TMEM117: variants seen among roughly 807,000 people sequenced by gnomAD.
TMEM117 encodes transmembrane protein 117.
TMEM117 carries 27 observed loss-of-function variants against 52.4 expected under a neutral mutation model. The ratio of observed to expected loss-of-function variants is 0.51; its 90% CI spans 0.38 to 0.71. The LOEUF (loss-of-function observed/expected upper bound fraction) is 0.71. TMEM117 is among the 30% of genes least tolerant of loss of function. The probability of loss-of-function intolerance (pLI) is 0.00; values close to 1 mark genes in which losing one functional copy is unlikely to be tolerated. For synonymous variants in TMEM117, 215 were observed against 206.3 expected, an observed-to-expected ratio of 1.04 and a Z score of -0.36; for missense variants, 556 against 630.5, an observed-to-expected ratio of 0.88 and a Z score of 1.26.
At chr12:44,065,826 A>G (rs1947213735) in intron 3 of TMEM117, among the ~76,000 whole-genome samples, 1 of 152,230 alleles carries the variant, frequency 6.6e-6, no homozygotes, top group South Asian at 2.1e-4. Flanking sequence ...GCTACATTAA[A>G]GTTACCCTTA....
the TMEM117 span, chr12:43,802,389 A>C: frequency 1.4e-5 from 23 of 1,606,468 alleles, no homozygotes; most frequent in Non-Finnish European, 1.9e-5. Context: ...GTCCTCCAAC[A>C]GGGGTAAAAC....
At chr12:44,059,378 C>G (rs1227313689) in intron 3 of TMEM117, among the ~76,000 whole-genome samples, 1 of 152,032 alleles carries the variant, frequency 6.6e-6, no homozygotes, top group Non-Finnish European at 1.5e-5. Context: ...TTATATATCA[C>G]TTTTTTCCCC....
intron 5 of TMEM117, among the ~76,000 whole-genome samples, chr12:44,247,813 A>T (rs1565633647): frequency 6.6e-6 from 1 of 152,228 alleles, no homozygotes; most frequent in Non-Finnish European, 1.5e-5. Flanking sequence ...TGAAGAGGTT[A>T]GTCCTGGGGA....
At chr12:44,169,799 T>C (rs1949019361) in intron 4 of TMEM117, among the ~76,000 whole-genome samples, 3 of 152,070 alleles carry the variant, frequency 2.0e-5, no homozygotes, top group Non-Finnish European at 2.9e-5. Flanking sequence ...AAACAACAGG[T>C]GCTGGAGAGG....
chr12:43,914,322 A>C (rs1408167186), intron 2 of TMEM117, among the ~76,000 whole-genome samples: 2 of 152,104 alleles, frequency 1.3e-5, no homozygotes, highest in Non-Finnish European at 2.9e-5. Context: ...TCAGACCTGC[A>C]GGTCTGCTAA....
intron 2 of TMEM117, among the ~76,000 whole-genome samples, chr12:43,895,134 C>T (rs1944176620): frequency 6.6e-6 from 1 of 152,152 alleles, no homozygotes; most frequent in Non-Finnish European, 1.5e-5. Context: ...TCCTGATTCT[C>T]TTCCTCCTCC....
In TMEM117 at chr12:44,173,742, A is replaced by T. The variant is rs114782635; in HGVS notation, c.510+30118A>T. 3.5e-3 allele frequency among the ~76,000 whole-genome samples: 538 copies of T among 152,066 alleles called. 5 individuals carry two copies. The highest frequency in any genetic ancestry group is 0.012 in the African/African-American group (509 of 41,430). ...CTTTCATAAAATATTTGATTGCAAT[A>T]TTATGTATTTTAGTTTTTTTCTTTG... On this transcript the variant is annotated intron_variant, in intron 4 of 7. Transcript: ENST00000266534.
chr12:44,127,162 T>A lies in TMEM117; in HGVS notation c.411-16363T>A, dbSNP rs117371728. Among the ~76,000 whole-genome samples, 58 of 152,298 alleles carry A rather than the reference T, an allele frequency of 3.8e-4. No individual in the cohort carries two copies. In the East Asian group the frequency reaches 0.011, roughly 28 times the overall value. Reference sequence around the variant, plus strand: ...GGATTTCTGTGTTGAATTCTAAAATTAGGATCATAGAGATTTTAAAATATT... The same window carrying A: ...GGATTTCTGTGTTGAATTCTAAAATAAGGATCATAGAGATTTTAAAATATT... On this transcript the variant is annotated intron_variant, in intron 3 of 7. Coordinates refer to ENST00000266534, the MANE Select transcript of TMEM117 (RefSeq NM_032256.3).
At chr12:44,182,989 C>A (rs938447029) in intron 4 of TMEM117, among the ~76,000 whole-genome samples, 4 of 151,976 alleles carry the variant, frequency 2.6e-5, no homozygotes, top group Non-Finnish European at 4.4e-5. Context: ...TAAAATAATC[C>A]AATGAACATC....
chr12:44,313,350 A>G (rs552360703), intron 6 of TMEM117, among the ~76,000 whole-genome samples: 1 of 152,328 alleles, frequency 6.6e-6, no homozygotes, highest in African/African-American at 2.4e-5. Context: ...TCTCAGCACC[A>G]TTTATTACAT....
chr12:44,039,010 A>AT (rs1417072985), intron 3 of TMEM117, among the ~76,000 whole-genome samples: 3 of 152,170 alleles, frequency 2.0e-5, no homozygotes, highest in Admixed American at 6.5e-5. Flanking sequence ...ACATCATATA[A>AT]TTTTACTGTG....
intron 6 of TMEM117, 47 bp downstream of exon 6, chr12:44,299,786 C>G (rs1950816457): frequency 1.2e-6 from 2 of 1,601,120 alleles, no homozygotes; most frequent in Non-Finnish European, 1.7e-6. Context: ...ATGCTCTGTT[C>G]CCAGTATAAC....
chr12:43,864,037 G>A (rs1042331886), intron 2 of TMEM117, among the ~76,000 whole-genome samples: 5 of 152,224 alleles, frequency 3.3e-5, no homozygotes, highest in Non-Finnish European at 7.4e-5. Context: ...TAGCACCCGG[G>A]CCAGCAGCTG....
chr12:44,084,546 G>A (rs1947535101), intron 3 of TMEM117, among the ~76,000 whole-genome samples: 2 of 152,146 alleles, frequency 1.3e-5, no homozygotes, highest in African/African-American at 4.8e-5. Flanking sequence ...TGAAGCATGA[G>A]CTTTCCCTGT....
intron 6 of TMEM117, among the ~76,000 whole-genome samples, chr12:44,352,875 T>A (rs1366444983): frequency 9.2e-5 from 14 of 152,236 alleles, no homozygotes; most frequent in Admixed American, 7.2e-4. Context: ...CGCCACACTG[T>A]CTTCCACAAT....
intron 5 of TMEM117, among the ~76,000 whole-genome samples, chr12:44,219,224 G>A (rs1454084688): frequency 2.0e-5 from 3 of 152,162 alleles, no homozygotes; most frequent in African/African-American, 2.4e-5. Flanking sequence ...TAATGTTTCT[G>A]TGGCAGTGAG....
intron 3 of TMEM117, among the ~76,000 whole-genome samples, chr12:44,074,570 A>G (rs1947352389): frequency 6.6e-6 from 1 of 152,216 alleles, no homozygotes; most frequent in African/African-American, 2.4e-5. Flanking sequence ...GCTCAGAGAG[A>G]TACATAACTT....
At chr12:44,385,296 C>A (rs1294220818) in intron 7 of TMEM117, among the ~76,000 whole-genome samples, 1 of 152,148 alleles carries the variant, frequency 6.6e-6, no homozygotes, top group Non-Finnish European at 1.5e-5. Flanking sequence ...AATGTTCAGA[C>A]ATCAGGACAC....
At chr12:43,984,035 A>G (rs1422133980) in intron 3 of TMEM117, among the ~76,000 whole-genome samples, 1 of 152,116 alleles carries the variant, frequency 6.6e-6, no homozygotes, top group Non-Finnish European at 1.5e-5. Context: ...GACTCCCATA[A>G]GCATGTGAAA....
Sources: allele counts gnomAD v4.1 joint callset (sites outside exome capture counted in the v4.1 genomes callset), GRCh38; gene constraint gnomAD v4.1.1; transcripts MANE v1.5; gene names NCBI Gene and HGNC (gene_info 2026-07-23, HGNC 2026-07-21).